HECW1: variants seen among roughly 807,000 people sequenced by gnomAD.
HECW1 encodes the protein E3 ubiquitin-protein ligase HECW1.
HECW1 carries 61 observed loss-of-function variants against 182.3 expected under a neutral mutation model. The ratio of observed to expected loss-of-function variants is 0.33; its 90% CI spans 0.27 to 0.41. HECW1 has a LOEUF of 0.41. Among genes scored for constraint, HECW1 ranks in the 10% least tolerant of loss-of-function variants. The probability of loss-of-function intolerance (pLI) is 1.00; values close to 1 mark genes in which losing one functional copy is unlikely to be tolerated. For missense variants in HECW1, 1,739 were observed against 2,108.9 expected, an observed-to-expected ratio of 0.82 and a Z score of 3.44; for synonymous variants, 859 against 832.6, an observed-to-expected ratio of 1.03 and a Z score of -0.55.
chr7:43,166,855 C>T (rs985765982), intron 2 of HECW1, among the ~76,000 whole-genome samples: 1 of 152,182 alleles, frequency 6.6e-6, no homozygotes, highest in East Asian at 1.9e-4. Context: ...AGGCCCAGGC[C>T]ATGGCTGGTC....
intron 2 of HECW1, among the ~76,000 whole-genome samples, chr7:43,142,826 C>T (rs1788307813): frequency 6.6e-6 from 1 of 152,204 alleles, no homozygotes; most frequent in African/African-American, 2.4e-5. Context: ...GCATCCACTC[C>T]TATCTGTGGG....
chr7:43,283,640 G>T (rs137958269), intron 3 of HECW1, among the ~76,000 whole-genome samples: 1 of 152,128 alleles, frequency 6.6e-6, no homozygotes, highest in Non-Finnish European at 1.5e-5. Flanking sequence ...GGTCAGTCCT[G>T]AAACCAAAAC....
intron 3 of HECW1, among the ~76,000 whole-genome samples, chr7:43,309,268 A>G (rs1808193806): frequency 6.6e-6 from 1 of 152,156 alleles, no homozygotes; most frequent in Non-Finnish European, 1.5e-5. Flanking sequence ...GCAAGTAGGA[A>G]TGGGGAGGAT....
intron 23 of HECW1, chr7:43,508,761 G>T: frequency 1.7e-6 from 1 of 581,682 alleles, no homozygotes; most frequent in Non-Finnish European, 3.0e-6. Context: ...ATGGACATCT[G>T]GTTAAGAAAC....
intron 24 of HECW1, among the ~76,000 whole-genome samples, chr7:43,516,756 G>A (rs1563080022): frequency 6.6e-6 from 1 of 152,212 alleles, no homozygotes; most frequent in Non-Finnish European, 1.5e-5. Flanking sequence ...GAACATCATA[G>A]AGTGGAATTA....
intron 2 of HECW1, among the ~76,000 whole-genome samples, chr7:43,200,958 A>G (rs929364598): frequency 6.6e-6 from 1 of 152,122 alleles, no homozygotes; most frequent in African/African-American, 2.4e-5. Flanking sequence ...CCCTTTCTTC[A>G]TTTTCCAGAA....
rs187652926 is a variant in HECW1, at chr7:43,148,189, C to A, written c.-32+33798C>A. 2.0e-5 allele frequency among the ~76,000 whole-genome samples: 3 copies of A among 152,258 alleles called. No individual in the cohort carries two copies. In the East Asian group the frequency reaches 5.8e-4, roughly 29 times the overall value. ...AGGTGAGCTATAAAACAGGACAGAGCAGAAAGAAGGCCAGCAGACCTCAAA... is the reference window on the plus strand; with the variant it reads ...AGGTGAGCTATAAAACAGGACAGAGAAGAAAGAAGGCCAGCAGACCTCAAA... On this transcript the variant is annotated intron_variant, in intron 2 of 29. Transcript: ENST00000395891.
intron 29 of HECW1, among the ~76,000 whole-genome samples, chr7:43,556,504 G>A (rs1353371868): frequency 6.6e-6 from 1 of 152,068 alleles, no homozygotes; most frequent in East Asian, 1.9e-4. Context: ...CTGGGCAACA[G>A]GACAAGACCT....
rs1053262558 is a variant in HECW1, at chr7:43,565,695, G to A, written c.*3769G>A. 1.1e-5 allele frequency: 2 copies of A among 183,076 alleles called. No homozygotes were observed. The highest frequency in any genetic ancestry group is 4.7e-5 in the African/African-American group (2 of 42,420). The allele number at this position is 183,076 out of a possible 1,614,324, so 11.3% of individuals were successfully genotyped here. A position where few individuals can be genotyped will look rare whatever the true frequency, so the allele number is the denominator to read the frequency against. On this transcript the variant is annotated 3_prime_UTR_variant, in exon 30 of 30. Coordinates refer to ENST00000395891, the MANE Select transcript of HECW1 (RefSeq NM_015052.5). ...CCATCATAAGGTCCAAAAGAAAAGA[G>A]AAAGTGTTATTTTCCTGTTAGTGAC...
chr7:43,488,466 AAG>A (rs1360805806), intron 17 of HECW1, among the ~76,000 whole-genome samples: 1 of 149,712 alleles, frequency 6.7e-6, no homozygotes, highest in Non-Finnish European at 1.5e-5. Flanking sequence ...GAAAGAAAGA[AAG>A]AAAGAAAGAA....
intron 29 of HECW1, 91 bp downstream of exon 29, chr7:43,554,881 G>A: frequency 8.3e-7 from 1 of 1,199,314 alleles, no homozygotes; most frequent in Non-Finnish European, 1.2e-6. Context: ...CCTTTGGGAT[G>A]GAATTCTTTC....
At chr7:43,448,265 A>G (rs908653654) in intron 11 of HECW1, among the ~76,000 whole-genome samples, 1 of 152,264 alleles carries the variant, frequency 6.6e-6, no homozygotes, top group Non-Finnish European at 1.5e-5. Flanking sequence ...ACTGACAACT[A>G]TACAGGCTAG....
Position 43,445,085 on chromosome 7 carries a change from C to T in HECW1, c.1913C>T (p.Pro638Leu), listed in dbSNP as rs1331001788. The change falls in exon 11 of 30, where the codon CCC (proline) becomes CTC (leucine). Residue 638 changes from proline (P) to leucine (L), a missense_variant. Pro to Leu is a moderately conservative substitution (Grantham distance 98). This residue lies in a region of HECW1 where 971 missense variants were observed against 1,029.1 expected (regional missense o/e 0.94). Coordinates refer to ENST00000395891, the MANE Select transcript of HECW1 (RefSeq NM_015052.5). ...AHPGHSGGHFPSLANGAAQDG... is the reference protein window; with the variant it reads ...AHPGHSGGHFLSLANGAAQDG... ...CCTGGCCACTCCGGGGGCCACTTCCCCAGCCTGGCCAATGGCGCGGCCCAG... is the reference window on the plus strand; with the variant it reads ...CCTGGCCACTCCGGGGGCCACTTCCTCAGCCTGGCCAATGGCGCGGCCCAG... 3 of 1,602,816 alleles carry T rather than the reference C, an allele frequency of 1.9e-6. No individual in the cohort carries two copies. Among genetic ancestry groups the T allele is most frequent in the Non-Finnish European group, 2.6e-6 (3 of 1,175,952 alleles).
At chr7:43,144,887 T>C (rs1436388187) in intron 2 of HECW1, among the ~76,000 whole-genome samples, 1 of 152,224 alleles carries the variant, frequency 6.6e-6, no homozygotes, top group South Asian at 2.1e-4. Context: ...TTAAATTTTA[T>C]GTAGCAAAAT....
At chr7:43,437,921 A>G in intron 8 of HECW1, 82 bp from the exon 9 acceptor site, 2 of 1,395,620 alleles carry the variant, frequency 1.4e-6, no homozygotes, top group Non-Finnish European at 2.0e-6. Flanking sequence ...TTTTACAGTG[A>G]CAGCATCAAG....
chr7:43,461,724 T>C (rs1294817288), intron 13 of HECW1, among the ~76,000 whole-genome samples: 1 of 152,218 alleles, frequency 6.6e-6, no homozygotes, highest in Non-Finnish European at 1.5e-5. Flanking sequence ...TGATTCTCTC[T>C]GTAATTCCAC....
At chr7:43,360,796 T>C in intron 5 of HECW1, 90 bp from the exon 6 acceptor site, 1 of 926,150 alleles carries the variant, frequency 1.1e-6, no homozygotes, top group East Asian at 2.5e-5. Context: ...GGAATTATGT[T>C]GCAGTTCTTA....
Position 43,332,708 on chromosome 7 carries a change from C to T in HECW1, c.460+11966C>T, listed in dbSNP as rs74653984. On this transcript the variant is annotated intron_variant, in intron 5 of 29. Coordinates refer to ENST00000395891, the MANE Select transcript of HECW1 (RefSeq NM_015052.5). Reference sequence around the variant, plus strand: ...GGAACAGTACATGGGCTGCAAGGTCCGACCCCTGGGCTGTTGTTTGGGGTA... The same window carrying T: ...GGAACAGTACATGGGCTGCAAGGTCTGACCCCTGGGCTGTTGTTTGGGGTA... 3.1e-3 allele frequency among the ~76,000 whole-genome samples: 470 copies of T among 152,188 alleles called. 1 individual carries two copies. The highest frequency in any genetic ancestry group is 5.3e-3 in the African/African-American group (222 of 41,498).
At chr7:43,545,563 G>A (rs1001468209) in intron 26 of HECW1, among the ~76,000 whole-genome samples, 1 of 152,096 alleles carries the variant, frequency 6.6e-6, no homozygotes, top group Non-Finnish European at 1.5e-5. Context: ...CTTAACTACT[G>A]GTAGCCTGCT....
Sources: allele counts gnomAD v4.1 joint callset (sites outside exome capture counted in the v4.1 genomes callset), GRCh38; gene constraint gnomAD v4.1.1; regional missense constraint gnomAD v4.1.1; transcripts MANE v1.5; gene names NCBI Gene and HGNC (gene_info 2026-07-23, HGNC 2026-07-21).